The following PSMA7 variants were observed in gnomAD, a reference collection of about 807,000 sequenced individuals.
The protein encoded by PSMA7 is proteasome subunit alpha type-7.
A neutral mutation model predicts 31.3 loss-of-function variants in PSMA7; 5 were observed. The observed-to-expected ratio is 0.16, with a 90% CI of 0.08 to 0.34. The LOEUF is 0.34. Ranked by LOEUF, PSMA7 falls within the 10% of genes least tolerant of loss-of-function variation. The pLI is 1.00. For synonymous variants in PSMA7, 155 were observed against 121.9 expected (o/e 1.27, Z -1.79); for missense variants, 217 against 327.5 (o/e 0.66, Z 2.60).
At chr20:62,137,099 G>T in intron 6 of PSMA7, 150 bp from the exon 7 acceptor site, 1 of 1,141,378 alleles carries the variant, frequency 8.8e-7, no homozygotes, top group Non-Finnish European at 1.3e-6. Flanking sequence ...ATGCTGGCCT[G>T]ACCTAGACAA....
rs1490537810 is a variant in PSMA7 at position 62,137,353 on chromosome 20, TTGG to T, written c.654+8_654+10del. 5 of 1,613,864 alleles carry T rather than the reference TTGG, an allele frequency of 3.1e-6. No individual in the cohort carries two copies. In the Admixed American group the frequency reaches 8.3e-5, roughly 27 times the overall value. ...TGACAGGTAAAGAAAGCAGACAAACTTGGTGATTACCTTGAGGGATTGATCTCG... is the reference window on the plus strand; with the variant it reads ...TGACAGGTAAAGAAAGCAGACAAACTTGATTACCTTGAGGGATTGATCTCG... On this transcript the variant is annotated splice_region_variant and intron_variant, in intron 6 of 6. Coordinates refer to ENST00000370873, the MANE Select transcript of PSMA7 (RefSeq NM_002792.4).
At chr20:62,142,310 TTAAGC>T (rs1024039029) in intron 1 of PSMA7, among the ~76,000 whole-genome samples, 1 of 152,170 alleles carries the variant, frequency 6.6e-6, no homozygotes, top group African/African-American at 2.4e-5. Context: ...CTAGTCCTCT[TTAAGC>T]TGAGTTAGAT....
Position 62,136,864 on chromosome 20 carries a change from G to A in PSMA7, c.740C>T (p.Ala247Val). 1.9e-6 allele frequency: 3 copies of A among 1,597,278 alleles called. No individual in the cohort carries two copies. The highest frequency in any genetic ancestry group is 2.6e-6 in the Non-Finnish European group (3 of 1,174,614). The change falls in exon 7 of 7, where the codon GCA becomes GTA. Residue 247 changes from alanine to valine, a missense_variant. Physicochemically the swap from Ala to Val is moderately conservative, Grantham distance 64. Transcript: ENST00000370873. ...EENEKKKQKK[A>V]S is the part of the protein sequence containing the mutation. ...GCAAAGACATTTTATTCATCATGAT[G>A]CTTTCTTTTGTTTCTTCTTTTCGTT...
Position 62,140,838 on chromosome 20 carries a change from T to C in PSMA7, c.203A>G (p.Asn68Ser), listed in dbSNP as rs2056923514. 6.2e-7 allele frequency: 1 copy of C among 1,614,204 alleles called. No individual in the cohort carries two copies. Among genetic ancestry groups the C allele is most frequent in the Non-Finnish European group, 8.5e-7 (1 of 1,180,028 alleles). Residue 68 changes from asparagine (N) to serine (S), a missense_variant, in exon 2 of 7, where the codon AAC becomes AGC. Asn to Ser is a conservative substitution (Grantham distance 46, BLOSUM62 1). Around this residue, in one of 3 missense-constraint regions of PSMA7, gnomAD observed 76 missense variants for 96.5 expected, o/e 0.79. Coordinates refer to ENST00000370873, the MANE Select transcript of PSMA7 (RefSeq NM_002792.4). ...TVRKICALDD[N>S]VCMAFAGLTA... Reference sequence around the variant, plus strand: ...CATACCTGCAAAGGCCATGCAGACGTTGTCATCCAAAGCACAGATCTTCCG... The same window carrying C: ...CATACCTGCAAAGGCCATGCAGACGCTGTCATCCAAAGCACAGATCTTCCG...
intron 6 of PSMA7, 22 bp from the exon 7 acceptor site, chr20:62,136,971 T>C: frequency 6.3e-7 from 1 of 1,595,358 alleles, no homozygotes; most frequent in Non-Finnish European, 8.5e-7. Context: ...AACTTCATGG[T>C]TACCTAAGCC....
intron 1 of PSMA7, among the ~76,000 whole-genome samples, chr20:62,141,732 G>A (rs1159290994): frequency 6.7e-6 from 1 of 148,662 alleles, no homozygotes; most frequent in Non-Finnish European, 1.5e-5. Flanking sequence ...ACATACTCAT[G>A]TGACAGCCAT....
At chr20:62,140,594 C>CAG (rs939419940) in intron 2 of PSMA7, among the ~76,000 whole-genome samples, 2 of 138,976 alleles carry the variant, frequency 1.4e-5, no homozygotes, top group African/African-American at 5.6e-5. Context: ...GCGCAGCAGC[C>CAG]AGAAGTGTTT....
chr20:62,137,156 T>G (rs1272526437), intron 6 of PSMA7, among the ~76,000 whole-genome samples: 1 of 152,192 alleles, frequency 6.6e-6, no homozygotes, highest in East Asian at 1.9e-4. Context: ...TGGCAGCCGC[T>G]CAGCATGCCC....
chr20:62,140,753 T>C (rs1357036819), intron 2 of PSMA7, 65 bp downstream of exon 2: 1 of 1,572,272 alleles, frequency 6.4e-7, no homozygotes, highest in African/African-American at 1.4e-5. Flanking sequence ...CCCAAGTTAA[T>C]CTCCAAAGCC....
At position 62,143,327 on chromosome 20, in the gene PSMA7, C is replaced by T; in HGVS notation, c.-24G>A. 1.5e-6 allele frequency: 2 copies of T among 1,362,862 alleles called. No individual in the cohort carries two copies. Among genetic ancestry groups the T allele is most frequent in the East Asian group, 3.4e-5 (1 of 29,278 alleles). The allele number at this position is 1,362,862 out of a possible 1,614,324, so 84.4% of individuals were successfully genotyped here. A position where few individuals can be genotyped will look rare whatever the true frequency, so the allele number is the denominator to read the frequency against. ...ATGCCGGCGGGCGGCGGCCGGGCTCCTTCCGCCGCGACTCTCAAAAGCGCA... is the reference window on the plus strand; with the variant it reads ...ATGCCGGCGGGCGGCGGCCGGGCTCTTTCCGCCGCGACTCTCAAAAGCGCA... On this transcript the variant is annotated 5_prime_UTR_variant, in exon 1 of 7. Transcript: ENST00000370873.
In PSMA7 at chr20:62,136,913, C is replaced by T. The variant is rs762709096; in HGVS notation, c.691G>A (p.Glu231Lys). 15 of 1,601,204 alleles carry T rather than the reference C, an allele frequency of 9.4e-6. No homozygotes were observed. The highest frequency in any genetic ancestry group is 1.3e-5 in the Non-Finnish European group (15 of 1,175,880). Residue 231 changes from glutamate to lysine, a missense_variant, in exon 7 of 7, where the codon GAA becomes AAA. This residue lies in a region of PSMA7 where 88 missense variants were observed against 111.6 expected (regional missense o/e 0.79). Transcript: ENST00000370873. Reference sequence around the variant, plus strand: ...TTTTCTTCTTTTTCTTTTTCAATTTCAGCAACATACTTCTCAATTTCTTCA... The same window carrying T: ...TTTTCTTCTTTTTCTTTTTCAATTTTAGCAACATACTTCTCAATTTCTTCA... Reference protein sequence around the residue: ...NPEEIEKYVAEIEKEKEENEK... With the variant: ...NPEEIEKYVAKIEKEKEENEK...
In PSMA7 at chr20:62,137,279, A is replaced by T. The variant is rs1027291429; in HGVS notation, c.654+85T>A. On this transcript the variant is annotated intron_variant, in intron 6 of 6. Coordinates refer to ENST00000370873, the MANE Select transcript of PSMA7 (RefSeq NM_002792.4). ...GTTAAAACCACAGAATGGCCCTATG[A>T]TGTTTCCTTCGGAACTGGTACTGCT... The T allele has an allele frequency of 7.6e-5, 102 of 1,345,288 alleles. No individual in the cohort carries two copies. In the African/African-American group the frequency reaches 1.3e-3, roughly 18 times the overall value. The allele number at this position is 1,345,288 out of a possible 1,614,324, so 83.3% of individuals were successfully genotyped here.
chr20:62,143,277 G>A lies in PSMA7; in HGVS notation c.27C>T (p.Val9=). 3.4e-6 allele frequency: 5 copies of A among 1,474,426 alleles called. 1 individual carries two copies. In the South Asian group the frequency reaches 4.8e-5, roughly 14 times the overall value. The allele number at this position is 1,474,426 out of a possible 1,614,324, so 91.3% of individuals were successfully genotyped here. A position where few individuals can be genotyped will look rare whatever the true frequency, so the allele number is the denominator to read the frequency against. The change falls in exon 1 of 7, where the codon GTC becomes GTT. Residue 9 remains valine (V), a synonymous_variant. Coordinates refer to ENST00000370873, the MANE Select transcript of PSMA7 (RefSeq NM_002792.4). MSYDRAIT[V]FSPDGHLFQV... ...GGAAGAGGTGGCCGTCGGGCGAGAA[G>A]ACGGTGATGGCGCGGTCGTAGCTCA...
intron 1 of PSMA7, chr20:62,142,362 G>A (rs1600970168): frequency 6.6e-6 from 1 of 152,238 alleles, no homozygotes; most frequent in African/African-American, 2.4e-5. Context: ...TCAAAACAAA[G>A]ATTCAGAAAA....
Position 62,139,135 on chromosome 20 carries a change from G to C in PSMA7, c.411C>G (p.Asp137Glu). Residue 137 changes from aspartate to glutamate, a missense_variant, in exon 4 of 7, where the codon GAC (aspartate) becomes GAG (glutamate). Around this residue, in one of 3 missense-constraint regions of PSMA7, gnomAD observed 53 missense variants for 119.4 expected, o/e 0.44. Transcript: ENST00000370873. Reference sequence around the variant, plus strand: ...GATAGAGCCTAGGAGTGCCATCAAAGTCGAAACCCACGATGAGGGCAGAGA... The same window carrying C: ...GATAGAGCCTAGGAGTGCCATCAAACTCGAAACCCACGATGAGGGCAGAGA... Reference protein sequence around the residue: ...FGISALIVGFDFDGTPRLYQT... With the variant: ...FGISALIVGFEFDGTPRLYQT... 6.2e-7 allele frequency: 1 copy of C among 1,614,214 alleles called. No homozygotes were observed. The highest frequency in any genetic ancestry group is 8.5e-7 in the Non-Finnish European group (1 of 1,180,034).
chr20:62,138,206 G>C lies in PSMA7; in HGVS notation c.556C>G (p.Leu186Val). ...YTDEAIETDD[L>V]TIKLVIKALL... is the part of the protein sequence containing the mutation. ...GCCTTGATCACCAGCTTAATGGTCA[G>C]ATCATCTGTTTCAATGGCTTCGTCA... Residue 186 changes from leucine to valine, a missense_variant, in exon 5 of 7, where the codon CTG (leucine) becomes GTG (valine). Transcript: ENST00000370873. 6.2e-7 allele frequency: 1 copy of C among 1,614,218 alleles called. No individual in the cohort carries two copies. Among genetic ancestry groups the C allele is most frequent in the Non-Finnish European group, 8.5e-7 (1 of 1,180,034 alleles).
In PSMA7 at chr20:62,136,969, G is replaced by C; in HGVS notation, c.655-20C>G. The C allele has an allele frequency of 1.3e-6, 2 of 1,595,050 alleles. No individual in the cohort carries two copies. Among genetic ancestry groups the C allele is most frequent in the Middle Eastern group, 3.3e-4 (2 of 6,010 alleles). ...TAAAATCTATAGAAAAAAACTTCAT[G>C]GTTACCTAAGCCACACAAGGTGCCA... On this transcript the variant is annotated intron_variant, in intron 6 of 6. Coordinates refer to ENST00000370873, the MANE Select transcript of PSMA7 (RefSeq NM_002792.4).
At chr20:62,140,676 G>A (rs977444320) in intron 2 of PSMA7, 142 bp downstream of exon 2, 40 of 1,141,362 alleles carry the variant, frequency 3.5e-5, no homozygotes, top group Admixed American at 2.0e-4. Context: ...CAACTTAAAA[G>A]TCCAAATCCA....
Position 62,136,824 on chromosome 20 carries a change from AT to A in PSMA7, c.*32del. The A allele has an allele frequency of 6.3e-7, 1 of 1,581,906 alleles. No individual in the cohort carries two copies. The highest frequency in any genetic ancestry group is 8.6e-7 in the Non-Finnish European group (1 of 1,169,094). On this transcript the variant is annotated 3_prime_UTR_variant, in exon 7 of 7. Transcript: ENST00000370873. ...CGAGACTCATCCATGATTGATATGAATTTAAAAATTACAAGCAAAGACATTT... is the reference window on the plus strand; with the variant it reads ...CGAGACTCATCCATGATTGATATGAATTAAAAATTACAAGCAAAGACATTT...
Sources: allele counts gnomAD v4.1 joint callset (sites outside exome capture counted in the v4.1 genomes callset), GRCh38; gene constraint gnomAD v4.1.1; regional missense constraint gnomAD v4.1.1; transcripts MANE v1.5; gene names NCBI Gene and HGNC (gene_info 2026-07-23, HGNC 2026-07-21).